Variants in CSMD1 observed in about 807,000 individuals in gnomAD.
CSMD1 encodes the protein CUB and Sushi multiple domains 1, also known as CUB and sushi domain-containing protein 1.
A neutral mutation model predicts 417.5 loss-of-function variants in CSMD1; 213 were observed. That is an observed-to-expected ratio of 0.51 (90% confidence interval 0.46 to 0.57). The LOEUF is 0.57. Among genes scored for constraint, CSMD1 ranks in the 20% least tolerant of loss-of-function variants. The pLI is 0.00. For synonymous variants in CSMD1, 2,862 were observed against 1,736.8 expected (o/e 1.65, Z -16.11); for missense variants, 6,923 against 4,529.7 (o/e 1.53, Z -15.17).
intron 14 of CSMD1, 55 bp from the exon 15 acceptor site, chr8:3,406,276 T>C (rs577357511): frequency 2.1e-6 from 3 of 1,409,176 alleles, no homozygotes; most frequent in Non-Finnish European, 2.9e-6. Context: ...ATTAATTACA[T>C]GTATTAAAAA....
At chr8:4,758,777 T>C (rs1585052881) in intron 1 of CSMD1, among the ~76,000 whole-genome samples, 1 of 152,110 alleles carries the variant, frequency 6.6e-6, no homozygotes, top group Non-Finnish European at 1.5e-5. Context: ...AGTCCCTCAA[T>C]GTCATGAGAA....
intron 1 of CSMD1, among the ~76,000 whole-genome samples, chr8:4,901,611 G>A (rs11136789): frequency 8.6e-5 from 13 of 151,916 alleles, no homozygotes; most frequent in Admixed American, 8.5e-4. Flanking sequence ...ATTAGCCTTT[G>A]TCCCCATACT....
At chr8:4,991,848 C>A (rs546816748) in intron 1 of CSMD1, among the ~76,000 whole-genome samples, 2 of 152,340 alleles carry the variant, frequency 1.3e-5, no homozygotes, top group Non-Finnish European at 2.9e-5. Context: ...CAGGAGCTCG[C>A]ACTTGACCCC....
chr8:4,004,655 T>C (rs566690613), intron 4 of CSMD1, among the ~76,000 whole-genome samples: 17 of 152,322 alleles, frequency 1.1e-4, no homozygotes, highest in African/African-American at 3.1e-4. Context: ...AATTTGTGTA[T>C]GAAATAGTCA....
rs556011628 is a variant in CSMD1, at chr8:3,892,885, T to C, written c.818+105018A>G. ...ACACAGAGCAGGTGAGTGGAGAGGA[T>C]GGCAAGCGTTGATGTGGACAGAGCA... On this transcript the variant is annotated intron_variant, in intron 5 of 69. Transcript: ENST00000635120. 7.9e-5 allele frequency among the ~76,000 whole-genome samples: 12 copies of C among 151,982 alleles called. No individual in the cohort carries two copies. The South Asian group carries it at 1.9e-3, about 24-fold the overall frequency.
intron 3 of CSMD1, 118 bp from the exon 4 acceptor site, chr8:4,032,217 G>C (rs950579154): frequency 3.0e-5 from 20 of 665,406 alleles, no homozygotes; most frequent in Middle Eastern, 8.2e-4. Context: ...TCTAGCATCA[G>C]AAAAATATTA....
At position 4,370,213 on chromosome 8, in the gene CSMD1, G is replaced by GCTTTCC. The variant is rs1563102949; in HGVS notation, c.415+49739_415+49740insGGAAAG. Among the ~76,000 whole-genome samples the GCTTTCC allele has an allele frequency of 1.1e-3, 161 of 152,166 alleles. 1 individual carries two copies. Among genetic ancestry groups the GCTTTCC allele is most frequent in the African/African-American group, 3.7e-3 (153 of 41,512 alleles). ...TCCTTTGCTTATGAAGGTTAGTTTGGTGAGATACGAAATTCTTGTTTGGAA... is the reference window on the plus strand; with the variant it reads ...TCCTTTGCTTATGAAGGTTAGTTTGGCTTTCCTGAGATACGAAATTCTTGTTTGGAA... On this transcript the variant is annotated intron_variant, in intron 3 of 69. Coordinates refer to ENST00000635120, the MANE Select transcript of CSMD1 (RefSeq NM_033225.6).
intron 1 of CSMD1, among the ~76,000 whole-genome samples, chr8:4,701,521 G>A (rs114056672): frequency 6.6e-6 from 1 of 151,880 alleles, no homozygotes; most frequent in African/African-American, 2.4e-5. Context: ...AGAGGGACTG[G>A]GAAGCATCAA....
At chr8:3,943,367 A>T (rs1585007991) in intron 5 of CSMD1, among the ~76,000 whole-genome samples, 2 of 151,890 alleles carry the variant, frequency 1.3e-5, no homozygotes, top group East Asian at 1.9e-4. Flanking sequence ...GTTAAAAAAA[A>T]AAAAGTCAGA....
intron 3 of CSMD1, among the ~76,000 whole-genome samples, chr8:4,275,919 A>G (rs574540506): frequency 2.0e-4 from 30 of 152,338 alleles, no homozygotes; most frequent in African/African-American, 6.0e-4. Flanking sequence ...GATTGTTTAA[A>G]TGATACTTTG....
At chr8:3,999,276 G>T (rs1169860332) in intron 4 of CSMD1, among the ~76,000 whole-genome samples, 3 of 151,990 alleles carry the variant, frequency 2.0e-5, no homozygotes, top group East Asian at 3.9e-4. Context: ...CAAGATGGGG[G>T]GAGTTTGCTG....
chr8:4,254,868 T>C (rs892050645), intron 3 of CSMD1, among the ~76,000 whole-genome samples: 2 of 152,114 alleles, frequency 1.3e-5, no homozygotes. Context: ...ACATTCTGTG[T>C]TGTTCACACA....
chr8:4,479,867 G>C (rs904963579), intron 2 of CSMD1, among the ~76,000 whole-genome samples: 1 of 151,844 alleles, frequency 6.6e-6, no homozygotes, highest in Non-Finnish European at 1.5e-5. Flanking sequence ...TCGGGAGGCT[G>C]AGGCAGGAGA....
chr8:3,416,324 A>T, intron 12 of CSMD1, among the ~76,000 whole-genome samples: 1 of 151,514 alleles, frequency 6.6e-6, no homozygotes, highest in Admixed American at 6.6e-5. Context: ...AAAAAAAAAA[A>T]AAGTGTTCTT....
chr8:3,060,420 C>T (rs1812517532), intron 49 of CSMD1, among the ~76,000 whole-genome samples: 2 of 152,164 alleles, frequency 1.3e-5, no homozygotes, highest in East Asian at 1.9e-4. Flanking sequence ...AACTCCTGAA[C>T]TCAAGTGATC....
intron 4 of CSMD1, among the ~76,000 whole-genome samples, chr8:4,031,464 G>A (rs1270183700): frequency 1.3e-5 from 2 of 152,040 alleles, no homozygotes; most frequent in African/African-American, 4.8e-5. Flanking sequence ...GATGAGAACG[G>A]CACAGGAAAC....
intron 3 of CSMD1, among the ~76,000 whole-genome samples, chr8:4,306,851 AT>A (rs1798276113): frequency 1.3e-5 from 2 of 152,060 alleles, no homozygotes; most frequent in African/African-American, 2.4e-5. Context: ...AAATCTAATA[AT>A]TTTTCAATCT....
At chr8:3,641,391 G>A (rs1196829079) in intron 7 of CSMD1, among the ~76,000 whole-genome samples, 1 of 152,112 alleles carries the variant, frequency 6.6e-6, no homozygotes, top group Non-Finnish European at 1.5e-5. Context: ...AGACTGAGCA[G>A]ATCTTAGAAG....
intron 1 of CSMD1, among the ~76,000 whole-genome samples, chr8:4,734,478 C>T (rs1184414937): frequency 6.6e-6 from 1 of 151,790 alleles, no homozygotes; most frequent in South Asian, 2.1e-4. Flanking sequence ...TCTTGTGTGG[C>T]CAGAAGCTCT....
Sources: allele counts gnomAD v4.1 joint callset (sites outside exome capture counted in the v4.1 genomes callset), GRCh38; gene constraint gnomAD v4.1.1; transcripts MANE v1.5; gene names NCBI Gene and HGNC (gene_info 2026-07-23, HGNC 2026-07-21).